The following MVD variants were observed in gnomAD, a reference collection of about 807,000 sequenced individuals.
MVD encodes the protein diphosphomevalonate decarboxylase.
In MVD, 52 loss-of-function variants were observed where a neutral mutation model predicts 42.4. The ratio of observed to expected loss-of-function variants is 1.23; its 90% CI spans 0.98 to 1.55. MVD has a LOEUF of 1.55. Among genes scored for constraint, MVD ranks in the 40% most tolerant of loss-of-function variants. The pLI, the probability that MVD is intolerant of heterozygous loss-of-function variation, is 0.00. For synonymous variants in MVD, 287 were observed against 243.2 expected, an observed-to-expected ratio of 1.18 and a Z score of -1.68; for missense variants, 663 against 572.1, an observed-to-expected ratio of 1.16 and a Z score of -1.62.
intron 8 of MVD, 89 bp downstream of exon 8, chr16:88,654,603 C>T (rs979586701): frequency 1.0e-4 from 134 of 1,326,666 alleles, no homozygotes; most frequent in Middle Eastern, 4.1e-4. Flanking sequence ...CCTGTCTCAG[C>T]GCCACAGCCT....
chr16:88,654,623 T>C (rs1243051618), intron 8 of MVD, 69 bp downstream of exon 8: 40 of 1,481,034 alleles, frequency 2.7e-5, no homozygotes, highest in Non-Finnish European at 3.6e-5. Flanking sequence ...TTCAGGTGCC[T>C]CCGTCTCTTC....
intron 3 of MVD, 133 bp downstream of exon 3, chr16:88,657,782 G>A: frequency 1.6e-6 from 2 of 1,237,546 alleles, no homozygotes; most frequent in East Asian, 2.5e-5. Flanking sequence ...GGAGCTGGCG[G>A]CCCAGCGGGC....
intron 4 of MVD, 100 bp from the exon 5 acceptor site, chr16:88,656,404 G>A: frequency 1.5e-6 from 2 of 1,302,132 alleles, no homozygotes; most frequent in Non-Finnish European, 2.1e-6. Flanking sequence ...ACGGCAAATG[G>A]GGATTTCCAG....
In MVD at chr16:88,655,393, C is replaced by T. The variant is rs1276050250; in HGVS notation, c.703G>A (p.Ala235Thr). The change falls in exon 7 of 10, where the codon GCG becomes ACG. Residue 235 changes from alanine to threonine, a missense_variant. Physicochemically the swap from Ala to Thr is moderately conservative, Grantham distance 58. Transcript: ENST00000301012. ...LRFRAESVVP[A>T]RMAEMARCIR... is the part of the protein sequence containing the mutation. ...CAGCGGGCCATCTCCGCCATGCGCGCGGGCACCACGGACTCGGCCCGGAAC... is the reference window on the plus strand; with the variant it reads ...CAGCGGGCCATCTCCGCCATGCGCGTGGGCACCACGGACTCGGCCCGGAAC... The T allele has an allele frequency of 6.9e-6, 11 of 1,587,270 alleles. No individual in the cohort carries two copies. Among genetic ancestry groups the T allele is most frequent in the South Asian group, 3.4e-5 (3 of 87,558 alleles).
At chr16:88,657,401 G>A (rs1456190841) in intron 4 of MVD, 35 bp downstream of exon 4, 2 of 1,561,370 alleles carry the variant, frequency 1.3e-6, no homozygotes, top group Non-Finnish European at 1.7e-6. Context: ...TGCGCCCACA[G>A]CCCAGAACCC....
intron 1 of MVD, chr16:88,660,435 A>C (rs1908221692): frequency 6.6e-6 from 1 of 152,138 alleles, no homozygotes; most frequent in South Asian, 2.1e-4. Context: ...ACTTGAGGTC[A>C]GGAGTTTAAG....
intron 7 of MVD, 46 bp from the exon 8 acceptor site, chr16:88,654,853 C>G (rs1407760841): frequency 1.3e-6 from 2 of 1,505,260 alleles, no homozygotes; most frequent in African/African-American, 2.8e-5. Flanking sequence ...GGTGCCTGAC[C>G]CTTGTCTCCC....
chr16:88,652,621 C>T lies in MVD; in HGVS notation c.1123-16G>A. 1 of 1,549,474 alleles carries T rather than the reference C, an allele frequency of 6.5e-7. No individual in the cohort carries two copies. The highest frequency in any genetic ancestry group is 8.7e-7 in the Non-Finnish European group (1 of 1,145,508). ...CTGGCCCCACCTGGGGATAGAAATC[C>T]ATGTCAGGTCACCAGGAATGGCAGC... On this transcript the variant is annotated splice_polypyrimidine_tract_variant and intron_variant, in intron 9 of 9. Coordinates refer to ENST00000301012, the MANE Select transcript of MVD (RefSeq NM_002461.3).
At chr16:88,657,136 G>GA (rs750530932) in intron 4 of MVD, 5 of 599,134 alleles carry the variant, frequency 8.3e-6, no homozygotes, top group Middle Eastern at 2.7e-4. Context: ...GAGATGGGGG[G>GA]GGGTCTCACT....
chr16:88,661,156 G>C (rs1461306353), intron 1 of MVD, among the ~76,000 whole-genome samples: 1 of 151,752 alleles, frequency 6.6e-6, no homozygotes, highest in Non-Finnish European at 1.5e-5. Flanking sequence ...GGACAACCTT[G>C]GATCACAGAC....
At chr16:88,653,452 T>C in intron 8 of MVD, 44 bp from the exon 9 acceptor site, 2 of 1,521,304 alleles carry the variant, frequency 1.3e-6, no homozygotes, top group East Asian at 4.7e-5. Flanking sequence ...TCCGTTTCTC[T>C]AAGCGTCTAC....
rs150594289 is a variant in MVD, at chr16:88,657,921, G to A, written c.250C>T (p.Arg84Trp). 38 of 1,613,434 alleles carry A rather than the reference G, an allele frequency of 2.4e-5. No individual in the cohort carries two copies. Among genetic ancestry groups the A allele is most frequent in the South Asian group, 1.8e-4 (16 of 91,074 alleles). ...TATGGGGACCCCAGCTCACTCTCCC[G>A]CAGGCAGGCCTGCAGCCGCGGCTGC... ...VGQPRLQACL[R>W]EIRCLARKRR... Residue 84 changes from arginine (R) to tryptophan (W), a missense_variant, in exon 3 of 10, where the codon CGG becomes TGG. By Grantham distance (101) the Arg-to-Trp change is moderately radical. Coordinates refer to ENST00000301012, the MANE Select transcript of MVD (RefSeq NM_002461.3).
chr16:88,658,650 C>G lies in MVD; in HGVS notation c.141G>C (p.Gln47His), dbSNP rs756932893. The change falls in exon 2 of 10, where the codon CAG becomes CAC. Residue 47 changes from glutamine to histidine, a missense_variant and splice_region_variant. Physicochemically the swap from Gln to His is conservative, Grantham distance 24. Coordinates refer to ENST00000301012, the MANE Select transcript of MVD (RefSeq NM_002461.3). Reference protein sequence around the residue: ...SSLSVTLHQDQLKTTTTAVIS... With the variant: ...SSLSVTLHQDHLKTTTTAVIS... ...TGTTTAGTCGTCAGTCCACACATAC[C>G]TGGTCCTGGTGCAGAGTGACGCTCA... 6.2e-7 allele frequency: 1 copy of G among 1,613,546 alleles called. No individual in the cohort carries two copies. The highest frequency in any genetic ancestry group is 1.1e-5 in the South Asian group (1 of 90,956).
chr16:88,656,396 G>C, intron 4 of MVD, 92 bp from the exon 5 acceptor site: 1 of 1,341,202 alleles, frequency 7.5e-7, no homozygotes, highest in Non-Finnish European at 1.0e-6. Flanking sequence ...CACACCCCAC[G>C]GCAAATGGGG....
At chr16:88,658,862 T>G in intron 1 of MVD, 142 bp from the exon 2 acceptor site, 5 of 623,178 alleles carry the variant, frequency 8.0e-6, no homozygotes, top group Non-Finnish European at 1.4e-5. Flanking sequence ...GTGCCCCTCC[T>G]CCTGCCAGAC....
rs765924662 is a variant in MVD at position 88,653,459 on chromosome 16, C to T, written c.1014-51G>A. 2.1e-6 allele frequency: 3 copies of T among 1,398,588 alleles called. No individual in the cohort carries two copies. The South Asian group carries it at 3.9e-5, about 18-fold the overall frequency. 86.6% of individuals were successfully genotyped at this position (1,398,588 alleles called of 1,614,324 possible). On this transcript the variant is annotated intron_variant, in intron 8 of 9. Transcript: ENST00000301012. ...TGAATGCATCCGTTTCTCTAAGCGT[C>T]TACAACAGTCTACAACAGGCAAGTC... is the stretch of plus-strand genomic sequence containing the variant.
Position 88,661,213 on chromosome 16 carries a change from T to C in MVD, c.70+1798A>G, listed in dbSNP as rs1908270068. On this transcript the variant is annotated intron_variant, in intron 1 of 9. Transcript: ENST00000301012. ...GTACAACTTGGAGGAAAGCAGACAATCTTCAGGACATAGGGCTAAGCAAAG... is the reference window on the plus strand; with the variant it reads ...GTACAACTTGGAGGAAAGCAGACAACCTTCAGGACATAGGGCTAAGCAAAG... 2.0e-5 allele frequency among the ~76,000 whole-genome samples: 3 copies of C among 151,882 alleles called. No homozygotes were observed. The South Asian group carries it at 6.2e-4, about 32-fold the overall frequency.
chr16:88,658,321 A>G (rs899733), intron 2 of MVD, among the ~76,000 whole-genome samples: 146,005 of 152,286 alleles, frequency 0.96, 70,053 homozygotes, highest in East Asian at 1. Flanking sequence ...CTGGGGGCAC[A>G]TGTGTGCTGT....
chr16:88,659,331 G>C (rs1484479968), intron 1 of MVD: 1 of 157,334 alleles, frequency 6.4e-6, no homozygotes, highest in Non-Finnish European at 1.4e-5. Flanking sequence ...GCGGACACCT[G>C]GCAGAGAACC....
Sources: gnomAD v4.1 joint callset for allele counts (sites outside exome capture counted in the v4.1 genomes callset) on GRCh38, gnomAD v4.1.1 for gene constraint, MANE v1.5 for transcripts, NCBI Gene and HGNC (gene_info 2026-07-23, HGNC 2026-07-21) for gene names.